CCDC148: variants seen among roughly 807,000 people sequenced by gnomAD.
CCDC148 encodes the protein coiled-coil domain-containing protein 148.
In CCDC148, 89 loss-of-function variants were observed where a neutral mutation model predicts 85.7. The observed-to-expected ratio is 1.04, with a 90% CI of 0.87 to 1.24. The LOEUF is 1.24. CCDC148 is among the 50% of genes most tolerant of loss of function. The probability of loss-of-function intolerance (pLI) is 0.00; values close to 1 mark genes in which losing one functional copy is unlikely to be tolerated. For missense variants in CCDC148, 692 were observed against 671.7 expected, an observed-to-expected ratio of 1.03 and a Z score of -0.33; for synonymous variants, 230 against 213.9, an observed-to-expected ratio of 1.08 and a Z score of -0.66.
intron 11 of CCDC148, among the ~76,000 whole-genome samples, chr2:158,211,707 C>T (rs895106103): frequency 6.6e-6 from 1 of 152,224 alleles, no homozygotes; most frequent in African/African-American, 2.4e-5. Flanking sequence ...GTACAGTCAA[C>T]TTGATGTACA....
Position 158,264,141 on chromosome 2 carries a change from G to C in CCDC148, c.1111-13229C>G, listed in dbSNP as rs368635016. On this transcript the variant is annotated intron_variant, in intron 9 of 13. Transcript: ENST00000283233. The stretch of plus-strand genomic sequence containing the variant: ...GACCACTGCTGAGAACAAAAATTAA[G>C]GAAAGTGATTACAGAGTATGATAAA... 2.0e-5 allele frequency among the ~76,000 whole-genome samples: 3 copies of C among 151,664 alleles called. No individual in the cohort carries two copies. In the East Asian group the frequency reaches 5.8e-4, roughly 29 times the overall value.
At position 158,245,995 on chromosome 2, in the gene CCDC148, G is replaced by A. The variant is rs570004084; in HGVS notation, c.1251+4777C>T. Among the ~76,000 whole-genome samples, 5 of 152,238 alleles carry A rather than the reference G, an allele frequency of 3.3e-5. No individual in the cohort carries two copies. The South Asian group carries it at 1.0e-3, about 32-fold the overall frequency. ...AGAAGAAAAAGTGATTTAAGGAGCT[G>A]GGCAACTGCAAGGGTAAAATTAGCA... On this transcript the variant is annotated intron_variant, in intron 10 of 13. Coordinates refer to ENST00000283233, the MANE Select transcript of CCDC148 (RefSeq NM_138803.4).
chr2:158,241,356 A>T (rs1435479128), intron 10 of CCDC148, among the ~76,000 whole-genome samples: 1 of 152,152 alleles, frequency 6.6e-6, no homozygotes, highest in Non-Finnish European at 1.5e-5. Context: ...TGTTGTGCTT[A>T]TAAAGTCTGA....
chr2:158,281,689 A>G (rs1690311185), intron 9 of CCDC148, among the ~76,000 whole-genome samples: 2 of 152,222 alleles, frequency 1.3e-5, no homozygotes, highest in African/African-American at 4.8e-5. Context: ...GCCGAATTCT[A>G]CCAGAGGTGC....
chr2:158,223,424 A>T (rs1438860347), intron 10 of CCDC148, among the ~76,000 whole-genome samples: 1 of 152,212 alleles, frequency 6.6e-6, no homozygotes, highest in East Asian at 1.9e-4. Context: ...AGGCAGCAGA[A>T]ACCTCTGCAG....
chr2:158,316,957 C>G (rs1010953415), intron 7 of CCDC148, among the ~76,000 whole-genome samples: 1 of 152,174 alleles, frequency 6.6e-6, no homozygotes, highest in East Asian at 1.9e-4. Flanking sequence ...TTAAATCAAA[C>G]CTTCATCTTT....
At chr2:158,180,290 T>C (rs1036367849) in intron 11 of CCDC148, among the ~76,000 whole-genome samples, 1 of 152,196 alleles carries the variant, frequency 6.6e-6, no homozygotes, top group African/African-American at 2.4e-5. Flanking sequence ...TTATATGTTT[T>C]AGGTCATTTA....
intron 9 of CCDC148, among the ~76,000 whole-genome samples, chr2:158,283,160 TA>T (rs1216203996): frequency 6.6e-6 from 1 of 152,154 alleles, no homozygotes; most frequent in South Asian, 2.1e-4. Flanking sequence ...ACGTTAGACC[TA>T]AAACCATAAA....
chr2:158,171,364 TTA>T lies in CCDC148; in HGVS notation c.*747_*748del, dbSNP rs1684316799. ...TTATTTTTTAGAAATAGTCAAATAT[TTA>T]TGTTTGAGTTTTATTTTAAATGCTC... On this transcript the variant is annotated 3_prime_UTR_variant, in exon 14 of 14. Transcript: ENST00000283233. 1 of 151,940 alleles carries T rather than the reference TTA, an allele frequency of 6.6e-6. No individual in the cohort carries two copies. Among genetic ancestry groups the T allele is most frequent in the Non-Finnish European group, 1.5e-5 (1 of 67,962 alleles). The allele number at this position is 151,940 out of a possible 1,614,324, so 9.4% of individuals were successfully genotyped here.
chr2:158,434,655 C>T (rs183969080), intron 1 of CCDC148, among the ~76,000 whole-genome samples: 34 of 152,174 alleles, frequency 2.2e-4, no homozygotes, highest in African/African-American at 6.3e-4. Context: ...ACGAATCAGA[C>T]GATCGGTAAT....
At chr2:158,423,055 A>C (rs1231848554) in intron 1 of CCDC148, among the ~76,000 whole-genome samples, 2 of 152,210 alleles carry the variant, frequency 1.3e-5, no homozygotes, top group Non-Finnish European at 2.9e-5. Flanking sequence ...GGAGAACTAC[A>C]AACCACTGCT....
At chr2:158,224,377 T>C (rs1009480754) in intron 10 of CCDC148, among the ~76,000 whole-genome samples, 1 of 152,204 alleles carries the variant, frequency 6.6e-6, no homozygotes, top group Admixed American at 6.5e-5. Context: ...TGGAAACAAG[T>C]TGGAAAACAC....
chr2:158,421,972 T>C (rs1686815525), intron 1 of CCDC148, among the ~76,000 whole-genome samples: 1 of 152,014 alleles, frequency 6.6e-6, no homozygotes, highest in South Asian at 2.1e-4. Flanking sequence ...TCTATGCAAA[T>C]AAACTAGAAA....
intron 1 of CCDC148, among the ~76,000 whole-genome samples, chr2:158,414,853 T>C (rs1056097086): frequency 2.0e-5 from 3 of 152,146 alleles, no homozygotes; most frequent in Non-Finnish European, 2.9e-5. Flanking sequence ...GCATTTCTCC[T>C]AAGGAAAAAT....
intron 10 of CCDC148, among the ~76,000 whole-genome samples, chr2:158,249,490 C>T (rs1290429071): frequency 6.6e-6 from 1 of 152,102 alleles, no homozygotes; most frequent in Admixed American, 6.6e-5. Flanking sequence ...GATAAAACCA[C>T]CCTATTTACT....
At chr2:158,307,050 T>C (rs1410836353) in intron 9 of CCDC148, among the ~76,000 whole-genome samples, 1 of 151,288 alleles carries the variant, frequency 6.6e-6, no homozygotes, top group Non-Finnish European at 1.5e-5. Flanking sequence ...TTTTACTATA[T>C]ATAACATATC....
chr2:158,201,586 AT>A (rs141874626), intron 11 of CCDC148, among the ~76,000 whole-genome samples: 2 of 151,794 alleles, frequency 1.3e-5, no homozygotes, highest in Non-Finnish European at 2.9e-5. Flanking sequence ...ATGTTTTTCT[AT>A]TTTTTGTAGA....
At position 158,250,808 on chromosome 2, in the gene CCDC148, C is replaced by G. The variant is rs1688761001; in HGVS notation, c.1215G>C (p.Lys405Asn). 6.3e-7 allele frequency: 1 copy of G among 1,595,426 alleles called. No homozygotes were observed. Among genetic ancestry groups the G allele is most frequent in the East Asian group, 2.3e-5 (1 of 44,136 alleles). The change falls in exon 10 of 14, where the codon AAG becomes AAC. Residue 405 changes from lysine to asparagine, a missense_variant. Coordinates refer to ENST00000283233, the MANE Select transcript of CCDC148 (RefSeq NM_138803.4). ...TCTCTGCTCTTTGCAACAATTCCTT[C>G]TTCTTCCACAGTTTCTCTTTCTCCT... ...KEEEKEKLWK[K>N]KELLQRAEKK...
At chr2:158,174,902 T>C (rs1348686726) in intron 13 of CCDC148, among the ~76,000 whole-genome samples, 2 of 152,032 alleles carry the variant, frequency 1.3e-5, no homozygotes, top group Non-Finnish European at 2.9e-5. Flanking sequence ...AACACTGTTA[T>C]GGGGCACATG....
Sources: gnomAD v4.1 joint callset for allele counts (sites outside exome capture counted in the v4.1 genomes callset) on GRCh38, gnomAD v4.1.1 for gene constraint, MANE v1.5 for transcripts, NCBI Gene and HGNC (gene_info 2026-07-23, HGNC 2026-07-21) for gene names.